The following DYSF variants were observed in gnomAD, a reference collection of about 807,000 sequenced individuals.
DYSF encodes the protein dystrophy-associated fer-1-like 1.
A neutral mutation model predicts 274.9 loss-of-function variants in DYSF; 212 were observed. That is an observed-to-expected ratio of 0.77 (90% CI 0.69 to 0.86). DYSF has a LOEUF of 0.86. Ranked by LOEUF, DYSF falls within the 40% of genes least tolerant of loss-of-function variation. DYSF has a pLI of 0.00. For missense variants in DYSF, 2,666 were observed against 2,783.2 expected (o/e 0.96, Z 0.95); for synonymous variants, 1,091 against 1,078.7 (o/e 1.01, Z -0.22).
intron 22 of DYSF, among the ~76,000 whole-genome samples, chr2:71,560,657 G>C (rs1007624337): frequency 6.6e-5 from 10 of 152,274 alleles, no homozygotes; most frequent in African/African-American, 2.4e-4. Flanking sequence ...GGGCCTGCCA[G>C]AGCGGTGTAT....
intron 55 of DYSF, among the ~76,000 whole-genome samples, chr2:71,685,007 C>T (rs2095339230): frequency 6.6e-6 from 1 of 152,242 alleles, no homozygotes; most frequent in Admixed American, 6.5e-5. Flanking sequence ...GGCATCACCA[C>T]CACCCATGAC....
chr2:71,602,833 G>A (rs372068110), intron 36 of DYSF, 28 bp downstream of exon 36: 1 of 1,611,676 alleles, frequency 6.2e-7, no homozygotes. Flanking sequence ...GTTGGGATGG[G>A]TGGGCCGAGG....
At chr2:71,493,444 G>T (rs1230169207) in intron 3 of DYSF, among the ~76,000 whole-genome samples, 1 of 152,138 alleles carries the variant, frequency 6.6e-6, no homozygotes. Flanking sequence ...CCTCATTTGG[G>T]ATGTCAGCCT....
At chr2:71,549,843 A>G (rs1025765469) in intron 17 of DYSF, among the ~76,000 whole-genome samples, 1 of 152,216 alleles carries the variant, frequency 6.6e-6, no homozygotes, top group Non-Finnish European at 1.5e-5. Flanking sequence ...TGCTCCTGTT[A>G]GCCCACCTAC....
intron 17 of DYSF, among the ~76,000 whole-genome samples, chr2:71,548,802 G>T (rs1437932705): frequency 6.9e-6 from 1 of 145,982 alleles, no homozygotes; most frequent in East Asian, 2.0e-4. Flanking sequence ...GAGCCTTCAG[G>T]GGGGTGATCC....
intron 32 of DYSF, among the ~76,000 whole-genome samples, chr2:71,592,065 T>C (rs2093280901): frequency 6.6e-6 from 1 of 152,204 alleles, no homozygotes; most frequent in Non-Finnish European, 1.5e-5. Context: ...ATGGACGAGT[T>C]TATAGCCTTG....
At chr2:71,671,538 T>C (rs931076593) in intron 51 of DYSF, among the ~76,000 whole-genome samples, 2 of 152,174 alleles carry the variant, frequency 1.3e-5, no homozygotes, top group Non-Finnish European at 2.9e-5. Context: ...CCCTTCCTCA[T>C]GACAGGTGGA....
intron 42 of DYSF, among the ~76,000 whole-genome samples, chr2:71,655,796 T>C (rs1213277151): frequency 6.6e-6 from 1 of 152,264 alleles, no homozygotes; most frequent in Non-Finnish European, 1.5e-5. Context: ...GTACTGCCCA[T>C]GTCTCTGATG....
At chr2:71,596,469 C>T (rs2093412447) in intron 32 of DYSF, among the ~76,000 whole-genome samples, 1 of 152,190 alleles carries the variant, frequency 6.6e-6, no homozygotes, top group South Asian at 2.1e-4. Flanking sequence ...CGGAATGCGC[C>T]CTCCTTTCCT....
chr2:71,658,829 A>C (rs761084376), intron 43 of DYSF, 49 bp from the exon 44 acceptor site: 1 of 1,610,376 alleles, frequency 6.2e-7, no homozygotes, highest in African/African-American at 1.3e-5. Context: ...CAGCCAAACC[A>C]TATCAACAAT....
At chr2:71,547,340 A>C (rs907305982) in intron 17 of DYSF, among the ~76,000 whole-genome samples, 1 of 152,244 alleles carries the variant, frequency 6.6e-6, no homozygotes. Context: ...CTGAATGAAC[A>C]AATGAATGAA....
At position 71,590,310 on chromosome 2, in the gene DYSF, G is replaced by A. The variant is rs548145514; in HGVS notation, c.3574+22G>A. Reference sequence around the variant, plus strand: ...TCTGGTAGGTGGGAGAGAGGCAGGAGAGTCAGAGACTGTGGGCTGAGATCT... The same window carrying A: ...TCTGGTAGGTGGGAGAGAGGCAGGAAAGTCAGAGACTGTGGGCTGAGATCT... On this transcript the variant is annotated intron_variant, in intron 32 of 55. Transcript: ENST00000410020. The A allele has an allele frequency of 4.3e-6, 7 of 1,613,752 alleles. No homozygotes were observed. In the African/African-American group the frequency reaches 6.7e-5, roughly 15 times the overall value.
intron 3 of DYSF, among the ~76,000 whole-genome samples, chr2:71,489,365 G>A (rs1037437756): frequency 2.6e-5 from 4 of 152,304 alleles, no homozygotes; most frequent in East Asian, 1.9e-4. Flanking sequence ...AGGAATCGGC[G>A]GGATGCTGCT....
chr2:71,650,135 A>T (rs2094630453), intron 42 of DYSF, among the ~76,000 whole-genome samples: 1 of 152,198 alleles, frequency 6.6e-6, no homozygotes, highest in African/African-American at 2.4e-5. Context: ...ACTGGTTGGT[A>T]GGGGGAGATT....
At chr2:71,513,106 A>T (rs1428670092) in intron 5 of DYSF, 134 bp from the exon 6 acceptor site, 1 of 830,072 alleles carries the variant, frequency 1.2e-6, no homozygotes, top group Non-Finnish European at 2.0e-6. Context: ...TGGGCTCCAC[A>T]GCTATTTCTG....
intron 13 of DYSF, among the ~76,000 whole-genome samples, chr2:71,527,689 C>T (rs1469944675): frequency 6.6e-6 from 1 of 152,164 alleles, no homozygotes; most frequent in Non-Finnish European, 1.5e-5. Flanking sequence ...TAATCTTTAT[C>T]CCCCTCCACT....
At position 71,520,087 on chromosome 2, in the gene DYSF, A is replaced by G. The variant is rs143035488; in HGVS notation, c.1003-91A>G. On this transcript the variant is annotated intron_variant, in intron 10 of 55. Coordinates refer to ENST00000410020, the MANE Select transcript of DYSF (RefSeq NM_001130987.2). ...GTGTTTCCAAATGTTCTTCAAAAACATGGTTTTTAATGGAATCATATAATG... is the reference window on the plus strand; with the variant it reads ...GTGTTTCCAAATGTTCTTCAAAAACGTGGTTTTTAATGGAATCATATAATG... The G allele has an allele frequency of 5.7e-4, 847 of 1,481,594 alleles. 3 individuals carry two copies. In the African/African-American group the frequency reaches 0.011, roughly 19 times the overall value. 91.8% of individuals were successfully genotyped at this position (1,481,594 alleles called of 1,614,324 possible).
intron 3 of DYSF, among the ~76,000 whole-genome samples, chr2:71,492,437 G>T (rs2083935084): frequency 1.3e-5 from 2 of 152,192 alleles, no homozygotes. Context: ...CTAACCAGGG[G>T]GAGATACAGT....
chr2:71,664,566 C>T, intron 46 of DYSF, 128 bp downstream of exon 46: 1 of 1,144,988 alleles, frequency 8.7e-7, no homozygotes, highest in Non-Finnish European at 1.3e-6. Flanking sequence ...GGCATTCTCT[C>T]ATTGAGTCCA....
Sources: allele counts gnomAD v4.1 joint callset (sites outside exome capture counted in the v4.1 genomes callset), GRCh38; gene constraint gnomAD v4.1.1; transcripts MANE v1.5; gene names NCBI Gene and HGNC (gene_info 2026-07-23, HGNC 2026-07-21).